SOS1: variants seen among roughly 807,000 people sequenced by gnomAD.
SOS1 encodes the protein son of sevenless homolog 1.
Under a neutral mutation model 157.6 loss-of-function variants are expected in SOS1, and 25 were observed. That is an observed-to-expected ratio of 0.16 (90% CI 0.12 to 0.22). SOS1 has a LOEUF of 0.22. Ranked by LOEUF, SOS1 falls within the 10% of genes least tolerant of loss-of-function variation. The pLI is 1.00. For synonymous variants in SOS1, 528 were observed against 534.0 expected (o/e 0.99, Z 0.16); for missense variants, 1,237 against 1,599.1 (o/e 0.77, Z 3.86).
intron 15 of SOS1, among the ~76,000 whole-genome samples, chr2:39,007,905 T>G (rs1304068823): frequency 6.6e-6 from 1 of 152,128 alleles, no homozygotes; most frequent in Non-Finnish European, 1.5e-5. Context: ...GAAACATCTA[T>G]TCAGGAAAAT....
chr2:39,060,688 G>A (rs1224789604), intron 2 of SOS1, among the ~76,000 whole-genome samples: 3 of 152,186 alleles, frequency 2.0e-5, no homozygotes, highest in Non-Finnish European at 4.4e-5. Flanking sequence ...GCCTCCCAGA[G>A]TGCTGGGATT....
chr2:39,051,420 A>C, intron 5 of SOS1, 133 bp from the exon 6 acceptor site: 1 of 740,622 alleles, frequency 1.4e-6, no homozygotes, highest in Non-Finnish European at 2.3e-6. Context: ...AATGACTTAG[A>C]AATATGAATA....
At chr2:39,093,965 C>T (rs1190246071) in intron 1 of SOS1, among the ~76,000 whole-genome samples, 1 of 152,170 alleles carries the variant, frequency 6.6e-6, no homozygotes, top group Non-Finnish European at 1.5e-5. Context: ...AAAGCTGTTA[C>T]ATACCTTAAC....
chr2:39,072,346 T>C (rs1237734116), intron 1 of SOS1, among the ~76,000 whole-genome samples: 1 of 152,168 alleles, frequency 6.6e-6, no homozygotes, highest in Non-Finnish European at 1.5e-5. Flanking sequence ...GCTTCTGTGT[T>C]ATAGAGGTGA....
At chr2:39,042,866 T>C (rs1271724094) in intron 6 of SOS1, among the ~76,000 whole-genome samples, 1 of 152,130 alleles carries the variant, frequency 6.6e-6, no homozygotes, top group Non-Finnish European at 1.5e-5. Flanking sequence ...ATGCTACCAA[T>C]TTTTACAGGC....
At chr2:39,056,650 A>G in intron 4 of SOS1, 52 bp downstream of exon 4, 10 of 1,152,846 alleles carry the variant, frequency 8.7e-6, no homozygotes, top group South Asian at 3.7e-5. Flanking sequence ...TTAGCATCTA[A>G]TAAGTCATAA....
chr2:39,072,756 G>C (rs1671831451), intron 1 of SOS1, among the ~76,000 whole-genome samples: 2 of 152,156 alleles, frequency 1.3e-5, no homozygotes, highest in Non-Finnish European at 2.9e-5. Context: ...GATGCCAACT[G>C]CACTTCTAAG....
At chr2:39,001,766 T>C (rs991986294) in intron 17 of SOS1, among the ~76,000 whole-genome samples, 3 of 152,176 alleles carry the variant, frequency 2.0e-5, no homozygotes, top group Non-Finnish European at 4.4e-5. Context: ...AGCTTAAGAA[T>C]AGCACAGATA....
intron 11 of SOS1, among the ~76,000 whole-genome samples, chr2:39,014,466 A>G (rs1442663393): frequency 6.6e-6 from 1 of 152,128 alleles, no homozygotes; most frequent in Non-Finnish European, 1.5e-5. Flanking sequence ...ACTTACTTAG[A>G]ACATCTAACT....
chr2:39,038,748 A>AAAAAAAAAAAAAAAAAAAAAAAAAAC (rs1670448330), intron 6 of SOS1, among the ~76,000 whole-genome samples: 1 of 147,638 alleles, frequency 6.8e-6, no homozygotes, highest in Non-Finnish European at 1.5e-5. Context: ...AAAAAAAAAA[A>AAAAAAAAAAAAAAAAAAAAAAAAAAC]GTCGTTTCTT....
chr2:39,099,410 A>G (rs1443125850), intron 1 of SOS1, among the ~76,000 whole-genome samples: 1 of 152,244 alleles, frequency 6.6e-6, no homozygotes, highest in Admixed American at 6.5e-5. Context: ...CCATAAAGAC[A>G]GAAAATAGAT....
chr2:39,034,071 T>C (rs941919081), intron 8 of SOS1, among the ~76,000 whole-genome samples: 1 of 152,232 alleles, frequency 6.6e-6, no homozygotes, highest in African/African-American at 2.4e-5. Context: ...CTCTCTTGAT[T>C]ATCCTCTTAA....
rs1169062075 is a variant in SOS1 at position 39,012,250 on chromosome 2, T to A, written c.2266A>T (p.Ser756Cys). 1.2e-6 allele frequency: 2 copies of A among 1,613,398 alleles called. No individual in the cohort carries two copies. The highest frequency in any genetic ancestry group is 1.7e-6 in the Non-Finnish European group (2 of 1,179,502). The change falls in exon 14 of 23, where the codon AGT (serine) becomes TGT (cysteine). Residue 756 changes from serine (S) to cysteine (C), a missense_variant. By Grantham distance (112) the Ser-to-Cys change is moderately radical. Around this residue, in one of 15 missense-constraint regions of SOS1, gnomAD observed 39 missense variants for 40.5 expected, o/e 0.96. Transcript: ENST00000402219. ...TGCCACTCAACTGTGGGAGGTGAACTCTGAAATGTAATATTATGACCTGGT... is the reference window on the plus strand; with the variant it reads ...TGCCACTCAACTGTGGGAGGTGAACACTGAAATGTAATATTATGACCTGGT... ...NGPGHNITFQ[S>C]SPPTVEWHIS...
upstream of SOS1, among the ~76,000 whole-genome samples, chr2:39,123,377 T>A (rs944239515): frequency 6.6e-6 from 1 of 151,596 alleles, no homozygotes; most frequent in Non-Finnish European, 1.5e-5. Context: ...TTTCTTTTTC[T>A]GAGACAGAGT....
At position 38,983,009 on chromosome 2, in the gene SOS1, T is replaced by C. The variant is rs538073960; in HGVS notation, c.*2815A>G. ...AGAATAGTAACCTACTAAACATAATTTGATGCCCAACAACCTTTAATTAAG... is the reference window on the plus strand; with the variant it reads ...AGAATAGTAACCTACTAAACATAATCTGATGCCCAACAACCTTTAATTAAG... On this transcript the variant is annotated 3_prime_UTR_variant, in exon 23 of 23. Transcript: ENST00000402219. The C allele has an allele frequency of 1.3e-5, 2 of 152,288 alleles. No individual in the cohort carries two copies. The highest frequency in any genetic ancestry group is 2.4e-5 in the African/African-American group (1 of 41,564). The allele number at this position is 152,288 out of a possible 1,614,324, so 9.4% of individuals were successfully genotyped here.
rs923681453 is a variant in SOS1, at chr2:38,985,748, T to G, written c.*76A>C. 80 of 1,554,666 alleles carry G rather than the reference T, an allele frequency of 5.1e-5. No homozygotes were observed. Among genetic ancestry groups the G allele is most frequent in the Non-Finnish European group, 5.8e-5 (65 of 1,129,128 alleles). ...TGGAGTTCTCATTTTAACTCCTCAG[T>G]GCTGGCACATTCAGTGCATCCATTG... is the stretch of plus-strand genomic sequence containing the variant. On this transcript the variant is annotated 3_prime_UTR_variant, in exon 23 of 23. Transcript: ENST00000402219.
At chr2:39,107,949 G>T (rs1384027443) in intron 1 of SOS1, among the ~76,000 whole-genome samples, 1 of 152,064 alleles carries the variant, frequency 6.6e-6, no homozygotes, top group East Asian at 1.9e-4. Flanking sequence ...TTCCACGCTT[G>T]GATATCTGCC....
At position 39,020,999 on chromosome 2, in the gene SOS1, A is replaced by T. The variant is rs1669777554; in HGVS notation, c.1858+1571T>A. On this transcript the variant is annotated intron_variant, in intron 10 of 22. Transcript: ENST00000402219. ...TTTTTTAAGTAAAATAATCTCATCA[A>T]CTTAAATTTTCAATACACTTAACTT... Among the ~76,000 whole-genome samples, 3 of 151,750 alleles carry T rather than the reference A, an allele frequency of 2.0e-5. No individual in the cohort carries two copies. In the South Asian group the frequency reaches 6.2e-4, roughly 31 times the overall value.
intron 17 of SOS1, among the ~76,000 whole-genome samples, chr2:39,000,095 G>A (rs913635155): frequency 3.9e-5 from 6 of 152,148 alleles, no homozygotes; most frequent in Non-Finnish European, 7.3e-5. Flanking sequence ...GGTTTGGGGA[G>A]GAAATGGGGG....
Sources: allele counts gnomAD v4.1 joint callset (sites outside exome capture counted in the v4.1 genomes callset), GRCh38; gene constraint gnomAD v4.1.1; regional missense constraint gnomAD v4.1.1; transcripts MANE v1.5; gene names NCBI Gene and HGNC (gene_info 2026-07-23, HGNC 2026-07-21).